The following TRIP12 variants were observed in gnomAD, a reference collection of about 807,000 sequenced individuals.
TRIP12 encodes the protein E3 ubiquitin-protein ligase TRIP12.
TRIP12 carries 25 observed loss-of-function variants against 244.2 expected under a neutral mutation model. The ratio of observed to expected loss-of-function variants is 0.10; its 90% CI spans 0.07 to 0.14. The LOEUF (loss-of-function observed/expected upper bound fraction) is 0.14, where lower values mean the gene tolerates loss of function less well. Among genes scored for constraint, TRIP12 ranks in the 10% least tolerant of loss-of-function variants. TRIP12 has a pLI of 1.00. For missense variants in TRIP12, 1,677 were observed against 2,486.4 expected, an observed-to-expected ratio of 0.67 and a Z score of 6.92; for synonymous variants, 905 against 873.1, an observed-to-expected ratio of 1.04 and a Z score of -0.64.
At chr2:229,915,498 A>G (rs911948810) in intron 1 of TRIP12, among the ~76,000 whole-genome samples, 7 of 152,250 alleles carry the variant, frequency 4.6e-5, no homozygotes, top group African/African-American at 1.7e-4. Flanking sequence ...TTCCACTTAC[A>G]GTATCTTATT....
rs780134830 is a variant in TRIP12, at chr2:229,798,857, A to G, written c.3482+18T>C. 2.7e-5 allele frequency: 43 copies of G among 1,610,092 alleles called. No individual in the cohort carries two copies. Among genetic ancestry groups the G allele is most frequent in the Non-Finnish European group, 3.6e-5 (43 of 1,178,816 alleles). On this transcript the variant is annotated intron_variant, in intron 23 of 41. Coordinates refer to ENST00000675903, the MANE Select transcript of TRIP12 (RefSeq NM_001348323.3). ...CTGATATGGGAATAGAAGAAACATAAAACTCCCCCCACTTCACCTATTATT... is the reference window on the plus strand; with the variant it reads ...CTGATATGGGAATAGAAGAAACATAGAACTCCCCCCACTTCACCTATTATT...
At chr2:229,772,908 T>C (rs930571713) in intron 38 of TRIP12, among the ~76,000 whole-genome samples, 2 of 152,170 alleles carry the variant, frequency 1.3e-5, no homozygotes, top group African/African-American at 2.4e-5. Flanking sequence ...CATTCTGACC[T>C]AAATCCAATG....
intron 8 of TRIP12, among the ~76,000 whole-genome samples, chr2:229,827,052 A>T (rs1357328837): frequency 6.6e-6 from 1 of 152,168 alleles, no homozygotes; most frequent in Non-Finnish European, 1.5e-5. Flanking sequence ...AGGCTGAGGC[A>T]GGCAGATCAC....
intron 34 of TRIP12, among the ~76,000 whole-genome samples, chr2:229,780,458 C>T (rs2037743495): frequency 6.6e-6 from 1 of 152,170 alleles, no homozygotes; most frequent in African/African-American, 2.4e-5. Flanking sequence ...TTACAAAACA[C>T]AAGTTCGCGG....
intron 41 of TRIP12, among the ~76,000 whole-genome samples, chr2:229,768,160 TGAA>T (rs2032576078): frequency 6.6e-6 from 1 of 152,140 alleles, no homozygotes; most frequent in South Asian, 2.1e-4. Context: ...CACAGGAGGC[TGAA>T]GCAGGAGGAT....
intron 36 of TRIP12, among the ~76,000 whole-genome samples, chr2:229,777,922 G>C (rs538737678): frequency 1.5e-3 from 224 of 152,220 alleles, no homozygotes; most frequent in African/African-American, 4.9e-3. Context: ...GCTGTGGGAG[G>C]CCAATGTGAG....
At chr2:229,780,999 G>A (rs2037978131) in intron 34 of TRIP12, among the ~76,000 whole-genome samples, 1 of 152,196 alleles carries the variant, frequency 6.6e-6, no homozygotes, top group Non-Finnish European at 1.5e-5. Flanking sequence ...ATTATCCCAG[G>A]TTCAACAGAA....
At chr2:229,852,964 A>G (rs941924423) in intron 4 of TRIP12, among the ~76,000 whole-genome samples, 1 of 152,228 alleles carries the variant, frequency 6.6e-6, no homozygotes, top group African/African-American at 2.4e-5. Context: ...AAGTCTTCCC[A>G]CAGCTTTCAA....
At chr2:229,843,203 G>A (rs1382237306) in intron 4 of TRIP12, among the ~76,000 whole-genome samples, 2 of 151,710 alleles carry the variant, frequency 1.3e-5, no homozygotes, top group African/African-American at 4.8e-5. Flanking sequence ...TCACTGGTTA[G>A]ATTAATATAC....
chr2:229,824,592 T>C (rs1056415855), intron 8 of TRIP12, among the ~76,000 whole-genome samples: 1 of 152,190 alleles, frequency 6.6e-6, no homozygotes, highest in Non-Finnish European at 1.5e-5. Context: ...TGGAGTAACG[T>C]GGCAGCTTTA....
chr2:229,873,395 C>T (rs2063034232), intron 2 of TRIP12, among the ~76,000 whole-genome samples: 1 of 152,162 alleles, frequency 6.6e-6, no homozygotes, highest in South Asian at 2.1e-4. Context: ...ACCTACCTAA[C>T]TATCCAAAAA....
intron 8 of TRIP12, among the ~76,000 whole-genome samples, chr2:229,828,288 G>C (rs1237351970): frequency 1.3e-5 from 2 of 151,514 alleles, no homozygotes; most frequent in Non-Finnish European, 2.9e-5. Context: ...GGTAAATACA[G>C]GTTTCAGATA....
chr2:229,807,989 A>G (rs563489201), intron 16 of TRIP12, 125 bp from the exon 17 acceptor site: 11 of 1,047,460 alleles, frequency 1.1e-5, no homozygotes, highest in Non-Finnish European at 1.4e-5. Context: ...TTTTGGAGAC[A>G]GAGTCTCACT....
At chr2:229,910,410 G>T (rs2074032396) in intron 1 of TRIP12, among the ~76,000 whole-genome samples, 1 of 152,116 alleles carries the variant, frequency 6.6e-6, no homozygotes, top group South Asian at 2.1e-4. Flanking sequence ...TTAGGTAGTA[G>T]ACCCATTTTA....
At chr2:229,856,112 T>C (rs550211724) in intron 4 of TRIP12, among the ~76,000 whole-genome samples, 2 of 151,154 alleles carry the variant, frequency 1.3e-5, no homozygotes, top group Admixed American at 1.3e-4. Context: ...ATATGTAAAA[T>C]ACCTGGTACT....
intron 1 of TRIP12, chr2:229,900,791 G>C (rs1047238209): frequency 6.6e-6 from 1 of 151,814 alleles, no homozygotes; most frequent in Non-Finnish European, 1.5e-5. Context: ...GAACCCGGGA[G>C]GCAGAGGTTG....
intron 20 of TRIP12, among the ~76,000 whole-genome samples, chr2:229,803,322 C>A (rs1010048498): frequency 1.1e-4 from 16 of 152,200 alleles, no homozygotes; most frequent in Non-Finnish European, 1.8e-4. Context: ...CCATGTTGGC[C>A]AGGCTGGTCT....
At chr2:229,785,577 T>G (rs946771529) in intron 34 of TRIP12, among the ~76,000 whole-genome samples, 180 bp downstream of exon 34, 1 of 152,216 alleles carries the variant, frequency 6.6e-6, no homozygotes. Flanking sequence ...GGAAAAAAAC[T>G]GCCTTTTATT....
chr2:229,813,789 A>C (rs2047847676), intron 13 of TRIP12, 81 bp downstream of exon 13: 1 of 1,046,894 alleles, frequency 9.6e-7, no homozygotes, highest in Non-Finnish European at 1.2e-6. Context: ...CATCTCAAAA[A>C]AATAAAATAA....
Sources: gnomAD v4.1 joint callset for allele counts (sites outside exome capture counted in the v4.1 genomes callset) on GRCh38, gnomAD v4.1.1 for gene constraint, MANE v1.5 for transcripts, NCBI Gene and HGNC (gene_info 2026-07-23, HGNC 2026-07-21) for gene names.